PKP4: variants seen among roughly 807,000 people sequenced by gnomAD.
The protein encoded by PKP4 is plakophilin 4.
A neutral mutation model predicts 145.1 loss-of-function variants in PKP4; 90 were observed. The ratio of observed to expected loss-of-function variants is 0.62; its 90% CI spans 0.52 to 0.74. The LOEUF (loss-of-function observed/expected upper bound fraction) is 0.74, where lower values mean the gene tolerates loss of function less well. PKP4 is among the 30% of genes least tolerant of loss of function. The pLI is 0.00. For synonymous variants in PKP4, 563 were observed against 577.2 expected (o/e 0.98, Z 0.35); for missense variants, 1,340 against 1,482.7 (o/e 0.90, Z 1.58).
Position 158,625,344 on chromosome 2 carries a change from CTG to C in PKP4, c.1072_1073del (p.Val358SerfsTer2). The C allele has an allele frequency of 6.2e-7, 1 of 1,614,208 alleles. No homozygotes were observed. The highest frequency in any genetic ancestry group is 8.5e-7 in the Non-Finnish European group (1 of 1,180,034). ...CATCTGGGACCTTCACTGCAAAGGA[CTG>C]TTCATGACATGGAGCAATTCGGACA... On this transcript the variant is annotated frameshift_variant, in exon 7 of 22. Coordinates refer to ENST00000389759, the MANE Select transcript of PKP4 (RefSeq NM_003628.6). LOFTEE classifies it high-confidence loss of function.
At chr2:158,554,966 T>C (rs2045965957) in intron 2 of PKP4, among the ~76,000 whole-genome samples, 1 of 136,632 alleles carries the variant, frequency 7.3e-6, no homozygotes. Flanking sequence ...TTATTTGCTA[T>C]TTACTTGTTT....
intron 9 of PKP4, among the ~76,000 whole-genome samples, chr2:158,639,321 G>GTGTGTGTGTGT (rs1553468374): frequency 4.4e-5 from 6 of 137,828 alleles, no homozygotes; most frequent in Admixed American, 3.5e-4. Flanking sequence ...ACGCATGAGG[G>GTGTGTGTGTGT]GTGTGTGTGT....
intron 4 of PKP4, among the ~76,000 whole-genome samples, chr2:158,617,523 T>C (rs1222045582): frequency 2.6e-5 from 4 of 152,230 alleles, no homozygotes; most frequent in African/African-American, 4.8e-5. Context: ...ATACCTCTTC[T>C]CTAGTGAATT....
intron 2 of PKP4, among the ~76,000 whole-genome samples, chr2:158,539,647 C>T (rs891780016): frequency 6.6e-6 from 1 of 152,004 alleles, no homozygotes; most frequent in Non-Finnish European, 1.5e-5. Context: ...CCGTGTAACC[C>T]ACAGTGAAGT....
intron 1 of PKP4, among the ~76,000 whole-genome samples, chr2:158,518,199 T>C (rs549669303): frequency 5.3e-4 from 80 of 152,360 alleles, no homozygotes; most frequent in African/African-American, 1.9e-3. Context: ...CTGTCTTACA[T>C]ATTCTGAGGT....
chr2:158,656,502 T>G (rs1051365076), intron 11 of PKP4, among the ~76,000 whole-genome samples: 1 of 152,006 alleles, frequency 6.6e-6, no homozygotes, highest in African/African-American at 2.4e-5. Context: ...CTGTCTTAAG[T>G]CTCCCGCCCG....
At chr2:158,522,989 G>A (rs2042550480) in intron 1 of PKP4, among the ~76,000 whole-genome samples, 1 of 152,116 alleles carries the variant, frequency 6.6e-6, no homozygotes, top group Non-Finnish European at 1.5e-5. Context: ...TACGCCCACG[G>A]AATCTCGCTG....
At chr2:158,596,938 C>T (rs2049807258) in intron 3 of PKP4, among the ~76,000 whole-genome samples, 2 of 152,174 alleles carry the variant, frequency 1.3e-5, no homozygotes, top group African/African-American at 4.8e-5. Context: ...CAGATTCCTA[C>T]CTGGGTGCTC....
chr2:158,509,673 C>T (rs1441820448), intron 1 of PKP4, among the ~76,000 whole-genome samples: 1 of 152,156 alleles, frequency 6.6e-6, no homozygotes, highest in East Asian at 1.9e-4. Flanking sequence ...GTGGGCCGGG[C>T]GCGGTGGCTC....
intron 1 of PKP4, among the ~76,000 whole-genome samples, chr2:158,510,497 G>A (rs1266706012): frequency 2.6e-5 from 4 of 152,210 alleles, no homozygotes; most frequent in African/African-American, 7.2e-5. Flanking sequence ...AGATTGGTTG[G>A]ACTAGAGGAG....
chr2:158,595,398 A>G (rs1431206460), intron 3 of PKP4, among the ~76,000 whole-genome samples: 1 of 152,172 alleles, frequency 6.6e-6, no homozygotes, highest in African/African-American at 2.4e-5. Context: ...CCACAGGTGA[A>G]TGCCTGGTCT....
Position 158,668,606 on chromosome 2 carries a change from G to A in PKP4, c.2729-1114G>A, listed in dbSNP as rs534987555. On this transcript the variant is annotated intron_variant, in intron 16 of 21. Coordinates refer to ENST00000389759, the MANE Select transcript of PKP4 (RefSeq NM_003628.6). ...CAAAATGACAAATTACATGTCATGG[G>A]CCTTTTGGTCATTCATGAGTATTCA... Among the ~76,000 whole-genome samples, 73 of 152,296 alleles carry A rather than the reference G, an allele frequency of 4.8e-4. 1 individual carries two copies. Among genetic ancestry groups the A allele is most frequent in the Non-Finnish European group, 9.7e-4 (66 of 68,040 alleles).
rs1165790211 is a variant in PKP4, at chr2:158,624,865, CCCCT to C, written c.604-12_604-9del. ...GGATAAACCCATTCTCTTTTTTCCCCCCCTTTCATCAGCCATCAGTAGCCAATCG... is the reference window on the plus strand; with the variant it reads ...GGATAAACCCATTCTCTTTTTTCCCCTTCATCAGCCATCAGTAGCCAATCG... On this transcript the variant is annotated splice_polypyrimidine_tract_variant and intron_variant, in intron 6 of 21. Coordinates refer to ENST00000389759, the MANE Select transcript of PKP4 (RefSeq NM_003628.6). 6.5e-7 allele frequency: 1 copy of C among 1,547,848 alleles called. No individual in the cohort carries two copies. Among genetic ancestry groups the C allele is most frequent in the Non-Finnish European group, 8.7e-7 (1 of 1,146,600 alleles).
At chr2:158,478,507 C>G (rs1273508636) in intron 1 of PKP4, among the ~76,000 whole-genome samples, 2 of 152,158 alleles carry the variant, frequency 1.3e-5, no homozygotes, top group Non-Finnish European at 2.9e-5. Context: ...CTGTAGTCTG[C>G]CCACCGCTCT....
At position 158,548,812 on chromosome 2, in the gene PKP4, C is replaced by A. The variant is rs555938392; in HGVS notation, c.132+15496C>A. 1.2e-5 allele frequency: 3 copies of A among 243,932 alleles called. No homozygotes were observed. The South Asian group carries it at 1.6e-4, about 13-fold the overall frequency. The allele number at this position is 243,932 out of a possible 1,614,324, so 15.1% of individuals were successfully genotyped here. A position where few individuals can be genotyped will look rare whatever the true frequency, so the allele number is the denominator to read the frequency against. On this transcript the variant is annotated intron_variant, in intron 2 of 21. Transcript: ENST00000389759. ...AAAGCTGCCAGCAAAGGGAACATCC[C>A]CATTAAGAGACCACCTGTCCTTCGA...
chr2:158,538,403 C>G (rs908414244), intron 2 of PKP4, among the ~76,000 whole-genome samples: 11 of 152,122 alleles, frequency 7.2e-5, no homozygotes, highest in African/African-American at 2.7e-4. Flanking sequence ...AGTATCTTTG[C>G]AAGTTGATTT....
At chr2:158,524,370 T>C (rs2042743042) in intron 1 of PKP4, among the ~76,000 whole-genome samples, 1 of 84,820 alleles carries the variant, frequency 1.2e-5, no homozygotes. Flanking sequence ...GAATTTCATA[T>C]CCAGCCAAAC....
At chr2:158,482,729 A>G (rs1222408708) in intron 1 of PKP4, among the ~76,000 whole-genome samples, 2 of 151,706 alleles carry the variant, frequency 1.3e-5, no homozygotes, top group Non-Finnish European at 2.9e-5. Context: ...CCAGCTATGC[A>G]GGAGGCTGAG....
chr2:158,507,863 T>C (rs1456937234), intron 1 of PKP4, among the ~76,000 whole-genome samples: 2 of 152,130 alleles, frequency 1.3e-5, no homozygotes, highest in Non-Finnish European at 2.9e-5. Flanking sequence ...GCTGGCTGAA[T>C]GTAGAGTAAT....
Sources: allele counts gnomAD v4.1 joint callset (sites outside exome capture counted in the v4.1 genomes callset), GRCh38; gene constraint gnomAD v4.1.1; transcripts MANE v1.5; gene names NCBI Gene and HGNC (gene_info 2026-07-23, HGNC 2026-07-21).